The following C9orf72 variants were observed in gnomAD, a reference collection of about 807,000 sequenced individuals.
C9orf72 encodes guanine nucleotide exchange factor C9orf72.
A neutral mutation model predicts 51.6 loss-of-function variants in C9orf72; 44 were observed. The ratio of observed to expected loss-of-function variants is 0.85; its 90% CI spans 0.67 to 1.10. The LOEUF (loss-of-function observed/expected upper bound fraction) is 1.10, where lower values mean the gene tolerates loss of function less well. Among genes scored for constraint, C9orf72 ranks in the 50% least tolerant of loss-of-function variants. C9orf72 has a pLI of 0.00. For synonymous variants in C9orf72, 213 were observed against 194.2 expected, an observed-to-expected ratio of 1.10 and a Z score of -0.81; for missense variants, 607 against 570.6, an observed-to-expected ratio of 1.06 and a Z score of -0.65.
chr9:27,571,644 C>T (rs887410035), intron 1 of C9orf72, among the ~76,000 whole-genome samples: 1 of 152,064 alleles, frequency 6.6e-6, no homozygotes, highest in Non-Finnish European at 1.5e-5. Flanking sequence ...TTTGTAGAGA[C>T]AGGGTCTACG....
chr9:27,552,515 ATTT>A (rs71492751), intron 8 of C9orf72, among the ~76,000 whole-genome samples: 35 of 105,622 alleles, frequency 3.3e-4, no homozygotes, highest in African/African-American at 1.1e-3. Context: ...TACCAAGCTA[ATTT>A]TTTTTTTTTT....
At chr9:27,560,322 T>G in intron 5 of C9orf72, 23 bp from the exon 6 acceptor site, 3 of 1,571,124 alleles carry the variant, frequency 1.9e-6, no homozygotes, top group Non-Finnish European at 2.6e-6. Context: ...GAAAACAGAT[T>G]AAAAACATTG....
Position 27,548,571 on chromosome 9 carries a change from A to T in C9orf72, c.1245T>A (p.Tyr415Ter). 6.3e-7 allele frequency: 1 copy of T among 1,591,722 alleles called. No homozygotes were observed. Residue 415 changes from tyrosine (Y) to a stop codon, truncating the protein, a stop_gained, in exon 10 of 11, where the codon TAT (tyrosine) becomes TAA (stop). Coordinates refer to ENST00000380003, the MANE Select transcript of C9orf72 (RefSeq NM_018325.5). LOFTEE classifies it high-confidence loss of function. ...GTTTTACTCACGTATCGTCTTCTATATATTTTATTAGTGTCAAGGCTTTTC... is the reference window on the plus strand; with the variant it reads ...GTTTTACTCACGTATCGTCTTCTATTTATTTTATTAGTGTCAAGGCTTTTC... ...LHRKALTLIK[Y>*]IEDDTQKGKK...
At position 27,563,897 on chromosome 9, in the gene C9orf72, C is replaced by G. The variant is rs1233000237; in HGVS notation, c.505-1421G>C. ...CTAGATCCGTGTTAAATTTCCTTCC[C>G]TGTGAAGCAATTTTATCAGATGACA... On this transcript the variant is annotated intron_variant, in intron 3 of 10. Coordinates refer to ENST00000380003, the MANE Select transcript of C9orf72 (RefSeq NM_018325.5). 3.3e-5 allele frequency among the ~76,000 whole-genome samples: 5 copies of G among 152,200 alleles called. No homozygotes were observed. In the Middle Eastern group the frequency reaches 0.014, roughly 414 times the overall value.
intron 1 of C9orf72, among the ~76,000 whole-genome samples, chr9:27,572,143 A>G (rs1819599994): frequency 6.6e-6 from 1 of 152,204 alleles, no homozygotes; most frequent in Non-Finnish European, 1.5e-5. Flanking sequence ...TATTTTATCA[A>G]CTTCATAAGG....
At chr9:27,562,344 A>T in intron 4 of C9orf72, 37 bp downstream of exon 4, 1 of 1,049,124 alleles carries the variant, frequency 9.5e-7, no homozygotes, top group African/African-American at 1.6e-5. Flanking sequence ...ACCCCAAAAA[A>T]CTCATAAAGT....
At chr9:27,571,986 C>T (rs1294263502) in intron 1 of C9orf72, among the ~76,000 whole-genome samples, 1 of 152,198 alleles carries the variant, frequency 6.6e-6, no homozygotes, top group Non-Finnish European at 1.5e-5. Flanking sequence ...GTTTCTCAGA[C>T]AATAGGTAGG....
intron 10 of C9orf72, 41 bp from the exon 11 acceptor site, chr9:27,548,463 A>C (rs1820827376): frequency 8.4e-7 from 1 of 1,185,146 alleles, no homozygotes; most frequent in Non-Finnish European, 1.1e-6. Context: ...AAAAAAAAAG[A>C]AGCGCAAAAA....
In C9orf72 at chr9:27,566,696, C is replaced by A. The variant is rs558489073; in HGVS notation, c.425G>T (p.Gly142Val). 1.2e-6 allele frequency: 2 copies of A among 1,602,706 alleles called. No individual in the cohort carries two copies. The highest frequency in any genetic ancestry group is 2.2e-5 in the South Asian group (2 of 90,178). ...ACTTACCTTATGCATCCATATTCTT[C>A]CTTTCCGGATTATATGTGTTAATCT... ...VDRLTHIIRK[G>V]RIWMHKERQE... The change falls in exon 2 of 11, where the codon GGA becomes GTA. Residue 142 changes from glycine (G) to valine (V), a missense_variant. Transcript: ENST00000380003.
At chr9:27,558,867 C>T in intron 6 of C9orf72, 1 of 302,430 alleles carries the variant, frequency 3.3e-6, no homozygotes, top group Non-Finnish European at 6.2e-6. Context: ...CATACTGTGA[C>T]TCTTCAGGTG....
rs777606069 is a variant in C9orf72 at position 27,561,663 on chromosome 9, A to G, written c.601-14T>C. The G allele has an allele frequency of 1.3e-6, 2 of 1,495,358 alleles. No homozygotes were observed. The highest frequency in any genetic ancestry group is 2.3e-5 in the East Asian group (1 of 44,070). 92.6% of individuals were successfully genotyped at this position (1,495,358 alleles called of 1,614,324 possible). On this transcript the variant is annotated splice_polypyrimidine_tract_variant and intron_variant, in intron 4 of 10. Coordinates refer to ENST00000380003, the MANE Select transcript of C9orf72 (RefSeq NM_018325.5). The stretch of plus-strand genomic sequence containing the variant: ...TGTATCAGCTATCTAAAATGCATCA[A>G]AAAATAAAAAAATTAGTCTGGCTGT...
rs1411031088 is a variant in C9orf72, at chr9:27,566,785, T to G, written c.336A>C (p.Leu112=). The G allele has an allele frequency of 6.2e-7, 1 of 1,613,648 alleles. No homozygotes were observed. The highest frequency in any genetic ancestry group is 8.5e-7 in the Non-Finnish European group (1 of 1,179,706). The change falls in exon 2 of 11, where the codon CTA becomes CTC. Residue 112 remains leucine (L), a synonymous_variant. Transcript: ENST00000380003. ...NWNGDRSTYG[L]SIILPQTELS... Reference sequence around the variant, plus strand: ...GTTCTGTCTGTGGAAGTATAATTGATAGTCCATATGTGCTGCGATCCCCAT... The same window carrying G: ...GTTCTGTCTGTGGAAGTATAATTGAGAGTCCATATGTGCTGCGATCCCCAT...
In C9orf72 at chr9:27,548,629, G is replaced by A; in HGVS notation, c.1187C>T (p.Thr396Ile). 1.9e-6 allele frequency: 3 copies of A among 1,612,442 alleles called. No homozygotes were observed. The highest frequency in any genetic ancestry group is 2.5e-6 in the Non-Finnish European group (3 of 1,178,568). ...QLKPGLSLRS[T>I]FLAQFLLVLH... ...GACAAGTAGAAACTGTGCAAGGAAA[G>A]TACTTCTGAGAGATAAGCCAGGTTT... The change falls in exon 10 of 11, where the codon ACT becomes ATT. Residue 396 changes from threonine (T) to isoleucine (I), a missense_variant. Transcript: ENST00000380003.
intron 1 of C9orf72, among the ~76,000 whole-genome samples, chr9:27,569,178 T>C (rs1202864943): frequency 2.6e-5 from 4 of 152,170 alleles, no homozygotes; most frequent in Admixed American, 2.6e-4. Flanking sequence ...TGTATTTGTG[T>C]TTCAAGCTAA....
chr9:27,570,875 A>AAAAC (rs36017241), intron 1 of C9orf72, among the ~76,000 whole-genome samples: 34,021 of 151,570 alleles, frequency 0.22, 3,983 homozygotes, highest in Middle Eastern at 0.28. Context: ...CCTCAAGAAA[A>AAAAC]AAACAAACAA....
chr9:27,557,517 T>G (rs995454819), intron 7 of C9orf72, among the ~76,000 whole-genome samples: 5 of 152,104 alleles, frequency 3.3e-5, no homozygotes, highest in Non-Finnish European at 2.9e-5. Context: ...GGAGAACTAT[T>G]AAATATTTTT....
In C9orf72 at chr9:27,561,635, T is replaced by A. The variant is rs556107429; in HGVS notation, c.615A>T (p.Val205=). ...VPEEIDIADT[V]LNDDDIGDSC... ...TGTCACCAATATCATCATCATTGAG[T>A]ACTGTATCAGCTATCTAAAATGCAT... The change falls in exon 5 of 11, where the codon GTA becomes GTT. Residue 205 remains valine (V), a synonymous_variant. Coordinates refer to ENST00000380003, the MANE Select transcript of C9orf72 (RefSeq NM_018325.5). 6.9e-5 allele frequency: 110 copies of A among 1,603,766 alleles called. No homozygotes were observed. In the South Asian group the frequency reaches 1.1e-3, roughly 16 times the overall value.
chr9:27,563,879 C>A (rs1308008127), intron 3 of C9orf72, among the ~76,000 whole-genome samples: 1 of 151,968 alleles, frequency 6.6e-6, no homozygotes, highest in African/African-American at 2.4e-5. Flanking sequence ...TGACTAGATC[C>A]GTGTTAAATT....
At chr9:27,569,166 A>T (rs1274677241) in intron 1 of C9orf72, among the ~76,000 whole-genome samples, 6 of 152,164 alleles carry the variant, frequency 3.9e-5, no homozygotes, top group Admixed American at 6.5e-5. Flanking sequence ...ATAGCTATAC[A>T]ATGTATTTGT....
Sources: allele counts gnomAD v4.1 joint callset (sites outside exome capture counted in the v4.1 genomes callset), GRCh38; gene constraint gnomAD v4.1.1; transcripts MANE v1.5; gene names NCBI Gene and HGNC (gene_info 2026-07-23, HGNC 2026-07-21).